Variants in RASGEF1C observed in about 807,000 individuals in gnomAD.
RASGEF1C encodes ras-GEF domain-containing family member 1C.
A neutral mutation model predicts 58.1 loss-of-function variants in RASGEF1C; 27 were observed. The observed-to-expected ratio is 0.46, with a 90% CI of 0.34 to 0.64. The LOEUF (loss-of-function observed/expected upper bound fraction) is 0.64. Ranked by LOEUF, RASGEF1C falls within the 30% of genes least tolerant of loss-of-function variation. The probability of loss-of-function intolerance (pLI) is 0.01; values close to 1 mark genes in which losing one functional copy is unlikely to be tolerated. For missense variants in RASGEF1C, 502 were observed against 605.1 expected (o/e 0.83, Z 1.79); for synonymous variants, 243 against 246.3 (o/e 0.99, Z 0.13).
At chr5:180,150,350 A>G (rs936775242) in intron 1 of RASGEF1C, among the ~76,000 whole-genome samples, 1 of 152,134 alleles carries the variant, frequency 6.6e-6, no homozygotes, top group Non-Finnish European at 1.5e-5. Context: ...TTGTCTAATA[A>G]GTCTGTCATG....
intron 10 of RASGEF1C, chr5:180,115,465 C>G (rs1002816679): frequency 1.4e-5 from 4 of 280,612 alleles, no homozygotes; most frequent in Non-Finnish European, 2.8e-5. Flanking sequence ...CAGGCCCCCC[C>G]AGACTCTTCA....
chr5:180,185,080 C>T (rs1410033972), intron 1 of RASGEF1C, among the ~76,000 whole-genome samples: 1 of 150,728 alleles, frequency 6.6e-6, no homozygotes, highest in Non-Finnish European at 1.5e-5. Context: ...ATCACAAGGT[C>T]AGGAGATTGA....
At position 180,163,254 on chromosome 5, in the gene RASGEF1C, C is replaced by CTTTTTTTTTTTTTTTTTTTTTTTT. The variant is rs1187829324; in HGVS notation, c.-6-25197_-6-25196insAAAAAAAAAAAAAAAAAAAAAAAA. Among the ~76,000 whole-genome samples, 66 of 71,054 alleles carry CTTTTTTTTTTTTTTTTTTTTTTTT rather than the reference C, an allele frequency of 9.3e-4. 22 individuals are homozygous for CTTTTTTTTTTTTTTTTTTTTTTTT. The highest frequency in any genetic ancestry group is 1.6e-3 in the African/African-American group (26 of 15,974). The allele number at this position is 71,054 out of a possible 152,430, so 46.6% of individuals were successfully genotyped here. A position where few individuals can be genotyped will look rare whatever the true frequency, so the allele number is the denominator to read the frequency against. On this transcript the variant is annotated intron_variant, in intron 1 of 13. Coordinates refer to ENST00000361132, the MANE Select transcript of RASGEF1C (RefSeq NM_175062.4). Reference sequence around the variant, plus strand: ...CACTTTTTTTTTTTTTTTTTTTTTCCAGCCTATTGCACTGGCTAGGACTTC... The same window carrying CTTTTTTTTTTTTTTTTTTTTTTTT: ...CACTTTTTTTTTTTTTTTTTTTTTCCTTTTTTTTTTTTTTTTTTTTTTTTAGCCTATTGCACTGGCTAGGACTTC...
intron 1 of RASGEF1C, among the ~76,000 whole-genome samples, chr5:180,139,490 A>C (rs924224560): frequency 6.6e-6 from 1 of 152,228 alleles, no homozygotes; most frequent in African/African-American, 2.4e-5. Flanking sequence ...GGAGCCCCTC[A>C]GAGGGCTGTC....
At position 180,125,395 on chromosome 5, in the gene RASGEF1C, C is replaced by T. The variant is rs533609626; in HGVS notation, c.714+2214G>A. ...AACATCATACTCTATTGGGACAACA[C>T]GTTAAAAGCATTCCTTTGAAAATCA... is the stretch of plus-strand genomic sequence containing the variant. On this transcript the variant is annotated intron_variant, in intron 6 of 13. Coordinates refer to ENST00000361132, the MANE Select transcript of RASGEF1C (RefSeq NM_175062.4). Among the ~76,000 whole-genome samples the T allele has an allele frequency of 2.4e-4, 36 of 152,308 alleles. 1 individual carries two copies. Among genetic ancestry groups the T allele is most frequent in the Admixed American group, 1.8e-3 (28 of 15,306 alleles).
chr5:180,111,043 T>C (rs1265917911), intron 12 of RASGEF1C, among the ~76,000 whole-genome samples: 1 of 152,142 alleles, frequency 6.6e-6, no homozygotes, highest in Non-Finnish European at 1.5e-5. Context: ...CTCAAACTCT[T>C]GATCTTCTGA....
At chr5:180,125,420 A>T (rs1466472264) in intron 6 of RASGEF1C, among the ~76,000 whole-genome samples, 1 of 152,242 alleles carries the variant, frequency 6.6e-6, no homozygotes, top group African/African-American at 2.4e-5. Context: ...TTTGAAAATC[A>T]GGATAAAATA....
intron 1 of RASGEF1C, among the ~76,000 whole-genome samples, chr5:180,174,211 C>G (rs140577649): frequency 8.7e-4 from 132 of 152,306 alleles, no homozygotes; most frequent in African/African-American, 3.0e-3. Context: ...AAATACTTCT[C>G]ATTCTTGCTA....
chr5:180,179,177 G>A (rs905403063), intron 1 of RASGEF1C, among the ~76,000 whole-genome samples: 4 of 152,140 alleles, frequency 2.6e-5, no homozygotes, highest in African/African-American at 7.2e-5. Context: ...GGAGGGTGGC[G>A]TGCATGGGCC....
intron 1 of RASGEF1C, among the ~76,000 whole-genome samples, chr5:180,205,348 A>C (rs1756469126): frequency 6.6e-6 from 1 of 152,222 alleles, no homozygotes; most frequent in African/African-American, 2.4e-5. Context: ...AGCAACACAC[A>C]AGATAAAAAT....
chr5:180,134,572 G>A (rs1015877833), intron 4 of RASGEF1C, among the ~76,000 whole-genome samples: 3 of 151,160 alleles, frequency 2.0e-5, no homozygotes, highest in Non-Finnish European at 3.0e-5. Context: ...CTCCAGCCAC[G>A]TGCTACCACC....
chr5:180,108,448 G>A (rs1370955427), intron 12 of RASGEF1C, among the ~76,000 whole-genome samples: 2 of 152,014 alleles, frequency 1.3e-5, no homozygotes, highest in South Asian at 2.1e-4. Context: ...TGATCTGCCT[G>A]CCTCAGCCTC....
chr5:180,171,599 G>T (rs535943571), intron 1 of RASGEF1C, among the ~76,000 whole-genome samples: 1 of 152,272 alleles, frequency 6.6e-6, no homozygotes, highest in South Asian at 2.1e-4. Flanking sequence ...GCAGGTCAGC[G>T]TGAGCTGCCT....
At chr5:180,174,266 T>C (rs1158192096) in intron 1 of RASGEF1C, among the ~76,000 whole-genome samples, 3 of 152,184 alleles carry the variant, frequency 2.0e-5, no homozygotes. Context: ...TTCGTCATCG[T>C]CTTTTCTGGG....
rs1306623980 is a variant in RASGEF1C at position 180,154,482 on chromosome 5, G to A, written c.-6-16424C>T. 2.0e-5 allele frequency among the ~76,000 whole-genome samples: 3 copies of A among 152,128 alleles called. No individual in the cohort carries two copies. In the East Asian group the frequency reaches 5.8e-4, roughly 29 times the overall value. ...ATCCTTAAAATGACCATAGGGAAAT[G>A]ACTACCCACTTTACAGTTGAATAAA... On this transcript the variant is annotated intron_variant, in intron 1 of 13. Transcript: ENST00000361132.
At chr5:180,205,503 A>G (rs1376945697) in intron 1 of RASGEF1C, among the ~76,000 whole-genome samples, 2 of 152,166 alleles carry the variant, frequency 1.3e-5, no homozygotes, top group Non-Finnish European at 2.9e-5. Context: ...CAATTATCCT[A>G]AAGTTAATAT....
intron 1 of RASGEF1C, among the ~76,000 whole-genome samples, chr5:180,157,038 C>A (rs1266005062): frequency 7.9e-5 from 12 of 152,192 alleles, no homozygotes; most frequent in Admixed American, 7.9e-4. Context: ...GGAAGGGGAG[C>A]AGCAGGAATT....
At chr5:180,118,758 G>T in intron 9 of RASGEF1C, 29 bp downstream of exon 9, 1 of 1,613,958 alleles carries the variant, frequency 6.2e-7, no homozygotes, top group Non-Finnish European at 8.5e-7. Context: ...ATGGCCGGAG[G>T]CACCCGGCAG....
chr5:180,139,327 G>T (rs139192419), intron 1 of RASGEF1C, among the ~76,000 whole-genome samples: 15 of 152,310 alleles, frequency 9.8e-5, no homozygotes, highest in Non-Finnish European at 1.8e-4. Flanking sequence ...GTCTTCTATG[G>T]ACTCTGAGGC....
Sources: allele counts gnomAD v4.1 joint callset (sites outside exome capture counted in the v4.1 genomes callset), GRCh38; gene constraint gnomAD v4.1.1; transcripts MANE v1.5; gene names NCBI Gene and HGNC (gene_info 2026-07-23, HGNC 2026-07-21).